The following COP1 variants were observed in gnomAD, a reference collection of about 807,000 sequenced individuals.
COP1 encodes the protein COP1 E3 ubiquitin ligase.
Under a neutral mutation model 101.3 loss-of-function variants are expected in COP1, and 24 were observed. The ratio of observed to expected loss-of-function variants is 0.24; its 90% CI spans 0.17 to 0.33. COP1 has a LOEUF of 0.33. COP1 is among the 10% of genes least tolerant of loss of function. The probability of loss-of-function intolerance (pLI) is 1.00; values close to 1 mark genes in which losing one functional copy is unlikely to be tolerated. For synonymous variants in COP1, 347 were observed against 341.9 expected (o/e 1.01, Z -0.17); for missense variants, 663 against 906.2 (o/e 0.73, Z 3.45).
intron 9 of COP1, among the ~76,000 whole-genome samples, chr1:176,096,809 C>T (rs1474656360): frequency 6.6e-6 from 1 of 152,170 alleles, no homozygotes; most frequent in African/African-American, 2.4e-5. Context: ...CTTTACATAA[C>T]TTTCTGTATG....
chr1:176,027,573 T>C lies in COP1; in HGVS notation c.1728A>G (p.Ala576=), dbSNP rs1314878646. Residue 576 remains alanine, a splice_region_variant and synonymous_variant, in exon 15 of 20, where the codon GCA becomes GCG. Transcript: ENST00000367669. ...SSRYHLAFGC[A]DHCVHYYDLR... is the part of the protein sequence containing the mutation. Reference sequence around the variant, plus strand: ...GACAAATCTGCTTTCATTTCTTACCTGCACAGCCGAAAGCCAAATGGTATC... The same window carrying C: ...GACAAATCTGCTTTCATTTCTTACCCGCACAGCCGAAAGCCAAATGGTATC... 1.9e-6 allele frequency: 3 copies of C among 1,592,212 alleles called. No individual in the cohort carries two copies. The highest frequency in any genetic ancestry group is 2.6e-6 in the Non-Finnish European group (3 of 1,160,566).
At chr1:176,010,845 C>T (rs1453934539) in intron 15 of COP1, among the ~76,000 whole-genome samples, 1 of 152,172 alleles carries the variant, frequency 6.6e-6, no homozygotes, top group Non-Finnish European at 1.5e-5. Flanking sequence ...TGAATTAATA[C>T]TTGACTCTTC....
chr1:176,151,959 T>A (rs890674628), intron 5 of COP1, among the ~76,000 whole-genome samples: 1 of 152,096 alleles, frequency 6.6e-6, no homozygotes, highest in African/African-American at 2.4e-5. Context: ...GGCATTTTTT[T>A]TTTTTTTTTG....
intron 18 of COP1, among the ~76,000 whole-genome samples, chr1:175,976,861 T>A (rs946510602): frequency 6.6e-6 from 1 of 152,182 alleles, no homozygotes; most frequent in African/African-American, 2.4e-5. Flanking sequence ...CCATGAGGAC[T>A]TTTTTTGAAA....
intron 1 of COP1, among the ~76,000 whole-genome samples, chr1:176,203,632 C>T (rs913152282): frequency 2.0e-5 from 3 of 152,064 alleles, no homozygotes; most frequent in African/African-American, 7.2e-5. Context: ...AAAATGTATC[C>T]AATGTCAAGC....
intron 18 of COP1, among the ~76,000 whole-genome samples, chr1:175,979,904 T>C (rs898467685): frequency 6.6e-6 from 1 of 152,168 alleles, no homozygotes. Context: ...TGAAGTGTTG[T>C]ATCGTTCATT....
intron 3 of COP1, among the ~76,000 whole-genome samples, chr1:176,172,035 C>G (rs1696153109): frequency 1.3e-5 from 2 of 152,112 alleles, no homozygotes; most frequent in African/African-American, 4.8e-5. Context: ...AGAATTTACT[C>G]TCTTTTTTAA....
At chr1:176,195,242 A>G (rs1315225383) in intron 1 of COP1, among the ~76,000 whole-genome samples, 2 of 152,196 alleles carry the variant, frequency 1.3e-5, no homozygotes, top group African/African-American at 2.4e-5. Flanking sequence ...AGAACAAGGA[A>G]TATTATCAGG....
intron 18 of COP1, among the ~76,000 whole-genome samples, chr1:175,966,873 C>A (rs542964856): frequency 6.6e-6 from 1 of 152,218 alleles, no homozygotes; most frequent in East Asian, 1.9e-4. Flanking sequence ...GTTCCAAAGT[C>A]AACATACATG....
intron 1 of COP1, among the ~76,000 whole-genome samples, chr1:176,190,672 T>C (rs1185511943): frequency 6.6e-6 from 1 of 152,036 alleles, no homozygotes; most frequent in Admixed American, 6.6e-5. Context: ...ATCAGTGCTC[T>C]ATTTGTCATT....
At chr1:176,176,558 C>T (rs1696968788) in intron 2 of COP1, among the ~76,000 whole-genome samples, 1 of 152,104 alleles carries the variant, frequency 6.6e-6, no homozygotes, top group South Asian at 2.1e-4. Context: ...ACGGCTCATG[C>T]CTGTAATCCC....
At chr1:176,056,664 T>C (rs1289972694) in intron 11 of COP1, among the ~76,000 whole-genome samples, 1 of 152,172 alleles carries the variant, frequency 6.6e-6, no homozygotes, top group Non-Finnish European at 1.5e-5. Context: ...ATAAAAATAT[T>C]TTCTTATTGC....
chr1:176,085,343 C>A (rs1679943955), intron 10 of COP1, among the ~76,000 whole-genome samples: 2 of 152,070 alleles, frequency 1.3e-5, no homozygotes, highest in South Asian at 4.1e-4. Flanking sequence ...CACATAATAT[C>A]ACACAGAACT....
chr1:176,115,603 G>C (rs1318115838), intron 9 of COP1, among the ~76,000 whole-genome samples: 1 of 151,864 alleles, frequency 6.6e-6, no homozygotes, highest in Non-Finnish European at 1.5e-5. Flanking sequence ...AAAAAAATTA[G>C]CTGGGCGTGG....
At position 176,016,668 on chromosome 1, in the gene COP1, C is replaced by G. The variant is rs138207847; in HGVS notation, c.1729+10904G>C. ...ATGTAATTCTATTTCCATTCAAAAACTATTTTGTATGGAATTTGTAATACA... is the reference window on the plus strand; with the variant it reads ...ATGTAATTCTATTTCCATTCAAAAAGTATTTTGTATGGAATTTGTAATACA... On this transcript the variant is annotated intron_variant, in intron 15 of 19. Transcript: ENST00000367669. Among the ~76,000 whole-genome samples, 399 of 152,060 alleles carry G rather than the reference C, an allele frequency of 2.6e-3. 3 individuals are homozygous for G. The highest frequency in any genetic ancestry group is 9.2e-3 in the African/African-American group (381 of 41,478).
chr1:176,008,811 G>A (rs1216132193), intron 15 of COP1, among the ~76,000 whole-genome samples: 1 of 152,172 alleles, frequency 6.6e-6, no homozygotes, highest in Non-Finnish European at 1.5e-5. Flanking sequence ...ACTGCATGGA[G>A]CCACTGACAT....
intron 18 of COP1, among the ~76,000 whole-genome samples, chr1:175,969,480 C>T (rs2148593198): frequency 6.6e-6 from 1 of 152,302 alleles, no homozygotes. Context: ...GAGACAGAGA[C>T]ACAGAGAAGA....
At chr1:176,059,877 A>C (rs1222332339) in intron 11 of COP1, among the ~76,000 whole-genome samples, 1 of 151,956 alleles carries the variant, frequency 6.6e-6, no homozygotes, top group East Asian at 1.9e-4. Flanking sequence ...TATCCTTTGT[A>C]TTTTTTTTCA....
intron 15 of COP1, among the ~76,000 whole-genome samples, chr1:176,002,326 C>T (rs1661841817): frequency 6.6e-6 from 1 of 151,724 alleles, no homozygotes; most frequent in South Asian, 2.1e-4. Flanking sequence ...TCCAAGTTTA[C>T]TGATTCTTTC....
Sources: gnomAD v4.1 joint callset for allele counts (sites outside exome capture counted in the v4.1 genomes callset) on GRCh38, gnomAD v4.1.1 for gene constraint, MANE v1.5 for transcripts, NCBI Gene and HGNC (gene_info 2026-07-23, HGNC 2026-07-21) for gene names.